Variants in NPAS2 observed in about 807,000 individuals in gnomAD.
NPAS2 encodes neuronal PAS domain-containing protein 2.
A neutral mutation model predicts 107.5 loss-of-function variants in NPAS2; 23 were observed. That is an observed-to-expected ratio of 0.21 (90% confidence interval 0.15 to 0.30). The LOEUF (loss-of-function observed/expected upper bound fraction) is 0.30, where lower values mean the gene tolerates loss of function less well. Ranked by LOEUF, NPAS2 falls within the 10% of genes least tolerant of loss-of-function variation. The pLI is 1.00. For missense variants in NPAS2, 756 were observed against 1,043.3 expected (o/e 0.72, Z 3.79); for synonymous variants, 403 against 417.5 (o/e 0.97, Z 0.42).
rs1025457986 is a variant in NPAS2, at chr2:100,820,785, C to T, written c.-23+371C>T. On this transcript the variant is annotated intron_variant, in intron 1 of 20. Transcript: ENST00000335681. This position sits in a 1 kb window ranked among gnomAD's most constrained non-coding sequence, Gnocchi z 5.6. Reference sequence around the variant, plus strand: ...CAGGGCAACAGCTTTGGGGATTGCCCGTGGTTGTCTTCGAGACCCATCGCG... The same window carrying T: ...CAGGGCAACAGCTTTGGGGATTGCCTGTGGTTGTCTTCGAGACCCATCGCG... Among the ~76,000 whole-genome samples, 6 of 152,146 alleles carry T rather than the reference C, an allele frequency of 3.9e-5. No individual in the cohort carries two copies. Among genetic ancestry groups the T allele is most frequent in the African/African-American group, 1.2e-4 (5 of 41,448 alleles).
intron 1 of NPAS2, among the ~76,000 whole-genome samples, chr2:100,879,330 A>C (rs1326005896): frequency 6.6e-6 from 1 of 152,178 alleles, no homozygotes; most frequent in Non-Finnish European, 1.5e-5. Flanking sequence ...ATCATGTTAC[A>C]GTTACTTTTT....
chr2:100,901,650 C>G, intron 1 of NPAS2: 1 of 693,824 alleles, frequency 1.4e-6, no homozygotes, highest in South Asian at 6.4e-5. Context: ...CTTCTTGTCC[C>G]TTCACTGAAG....
chr2:100,910,674 G>A (rs1004919908), intron 2 of NPAS2, among the ~76,000 whole-genome samples: 1 of 151,938 alleles, frequency 6.6e-6, no homozygotes, highest in African/African-American at 2.4e-5. Context: ...GATTACAGGC[G>A]TCCACCACCA....
At chr2:100,907,859 C>T (rs1040764333) in intron 2 of NPAS2, among the ~76,000 whole-genome samples, 2 of 152,132 alleles carry the variant, frequency 1.3e-5, no homozygotes, top group Non-Finnish European at 2.9e-5. Flanking sequence ...GAACTGAGTG[C>T]TCTATTCTTC....
At position 100,873,307 on chromosome 2, in the gene NPAS2, TACACACACACACACAC is replaced by T. The variant is rs368306404; in HGVS notation, c.-22-31406_-22-31391del. Among the ~76,000 whole-genome samples, 92 of 41,882 alleles carry T rather than the reference TACACACACACACACAC, an allele frequency of 2.2e-3. 1 individual carries two copies. Among genetic ancestry groups the T allele is most frequent in the African/African-American group, 7.0e-3 (88 of 12,576 alleles). The allele number at this position is 41,882 out of a possible 152,430, so 27.5% of individuals were successfully genotyped here. Reference sequence around the variant, plus strand: ...ATATATATATATATATATATATATATACACACACACACACACACACACACACACACACACATATATA... The same window carrying T: ...ATATATATATATATATATATATATATACACACACACACACACACATATATA... On this transcript the variant is annotated intron_variant, in intron 1 of 20. Coordinates refer to ENST00000335681, the MANE Select transcript of NPAS2 (RefSeq NM_002518.4).
At chr2:100,877,445 CAAAAAAAAA>C (rs72050213) in intron 1 of NPAS2, among the ~76,000 whole-genome samples, 2 of 81,604 alleles carry the variant, frequency 2.5e-5, no homozygotes, top group South Asian at 5.4e-4. Context: ...GACTCCGTCT[CAAAAAAAAA>C]AAAAAAAAAA....
chr2:100,878,358 C>A (rs10196828), intron 1 of NPAS2: 1 of 985,286 alleles, frequency 1.0e-6, no homozygotes, highest in Non-Finnish European at 1.2e-6. Flanking sequence ...TCACCCACAA[C>A]GGAATGTCCT....
intron 5 of NPAS2, among the ~76,000 whole-genome samples, chr2:100,947,229 A>G (rs1270333359): frequency 1.3e-5 from 2 of 152,202 alleles, no homozygotes; most frequent in Admixed American, 1.3e-4. Context: ...GGTAGCCACT[A>G]GCTACATGTG....
intron 11 of NPAS2, chr2:100,970,609 T>C (rs1676480339): frequency 1.7e-5 from 3 of 173,578 alleles, no homozygotes; most frequent in Non-Finnish European, 1.2e-5. Flanking sequence ...ATATGCACGG[T>C]CCAGACTGAG....
chr2:100,948,395 A>T, intron 6 of NPAS2, 40 bp downstream of exon 6: 1 of 1,560,054 alleles, frequency 6.4e-7, no homozygotes, highest in Admixed American at 2.1e-5. Flanking sequence ...TAGAAAGATA[A>T]GAATTTTGCT....
intron 15 of NPAS2, among the ~76,000 whole-genome samples, chr2:100,980,732 A>G (rs1573788151): frequency 6.6e-6 from 1 of 152,134 alleles, no homozygotes; most frequent in Non-Finnish European, 1.5e-5. Context: ...CGGCCTCTCA[A>G]AGTGCTGGGA....
At chr2:100,823,697 A>C (rs6724971) in intron 1 of NPAS2, 52,037 of 151,742 alleles carry the variant, frequency 0.34, 12,170 homozygotes, top group African/African-American at 0.65. Context: ...CCAGATGATA[A>C]AAAAATGAGA....
At chr2:100,982,205 T>G in intron 15 of NPAS2, 26 bp from the exon 16 acceptor site, 1 of 1,613,868 alleles carries the variant, frequency 6.2e-7, no homozygotes, top group Non-Finnish European at 8.5e-7. Context: ...TTTCATCTGA[T>G]TATGTTTTTC....
intron 1 of NPAS2, among the ~76,000 whole-genome samples, chr2:100,837,726 G>C (rs1273763739): frequency 6.6e-6 from 1 of 152,172 alleles, no homozygotes; most frequent in South Asian, 2.1e-4. Flanking sequence ...GATAAATGGA[G>C]TTTTCCTCAG....
At chr2:100,948,948 A>T (rs918816246) in intron 6 of NPAS2, among the ~76,000 whole-genome samples, 16 of 152,226 alleles carry the variant, frequency 1.1e-4, no homozygotes, top group Non-Finnish European at 2.1e-4. Context: ...TGCTTGCATC[A>T]GTGCAAGCCT....
chr2:100,972,878 A>G (rs1448977754), intron 12 of NPAS2: 1 of 152,126 alleles, frequency 6.6e-6, no homozygotes, highest in Non-Finnish European at 1.5e-5. Flanking sequence ...AAATGCATAT[A>G]TGTATAAATA....
chr2:100,882,345 C>T (rs1420944774), intron 1 of NPAS2, among the ~76,000 whole-genome samples: 2 of 152,332 alleles, frequency 1.3e-5, no homozygotes, highest in Middle Eastern at 3.4e-3. Context: ...CGCAGTGGCT[C>T]ATGCCTGTAA....
chr2:100,974,990 C>G (rs770982516), intron 13 of NPAS2, 46 bp downstream of exon 13: 1 of 1,603,752 alleles, frequency 6.2e-7, no homozygotes, highest in East Asian at 2.2e-5. Context: ...CACATCAGAC[C>G]AGAGGGACAG....
intron 1 of NPAS2, among the ~76,000 whole-genome samples, chr2:100,831,295 C>CA (rs1407876175): frequency 1.3e-5 from 2 of 151,862 alleles, no homozygotes; most frequent in Non-Finnish European, 2.9e-5. Flanking sequence ...GACTCTGTCT[C>CA]AAAAAATAAA....
Sources: gnomAD v4.1 joint callset for allele counts (sites outside exome capture counted in the v4.1 genomes callset) on GRCh38, gnomAD v4.1.1 for gene constraint, Gnocchi (gnomAD v3.1) non-coding constraint, MANE v1.5 for transcripts, NCBI Gene and HGNC (gene_info 2026-07-23, HGNC 2026-07-21) for gene names.